The following TMEM132D variants were observed in gnomAD, a reference collection of about 807,000 sequenced individuals.
TMEM132D encodes the protein mature OL transmembrane protein.
Under a neutral mutation model 62.3 loss-of-function variants are expected in TMEM132D, and 21 were observed. The observed-to-expected ratio is 0.34, with a 90% CI of 0.24 to 0.49. The LOEUF is 0.49. Among genes scored for constraint, TMEM132D ranks in the 20% least tolerant of loss-of-function variants. TMEM132D has a pLI of 0.99. For synonymous variants in TMEM132D, 621 were observed against 575.6 expected (o/e 1.08, Z -1.13); for missense variants, 1,346 against 1,402.8 (o/e 0.96, Z 0.65).
At chr12:129,104,155 C>T (rs1406098011) in intron 5 of TMEM132D, among the ~76,000 whole-genome samples, 7 of 150,444 alleles carry the variant, frequency 4.7e-5, no homozygotes, top group Non-Finnish European at 7.4e-5. Flanking sequence ...TACAAGGCTA[C>T]AGTAACCAAA....
chr12:129,351,463 G>A (rs900098986), intron 3 of TMEM132D, among the ~76,000 whole-genome samples: 2 of 152,118 alleles, frequency 1.3e-5, no homozygotes, highest in African/African-American at 2.4e-5. Context: ...GATTAGGCAG[G>A]TAGGCTTACA....
chr12:129,841,024 G>C (rs974540857), intron 1 of TMEM132D, among the ~76,000 whole-genome samples: 2 of 152,194 alleles, frequency 1.3e-5, no homozygotes, highest in African/African-American at 4.8e-5. Context: ...GCAGAGTATA[G>C]ATTAAGTGTA....
At position 129,742,515 on chromosome 12, in the gene TMEM132D, G is replaced by A. The variant is rs564037720; in HGVS notation, c.80-41817C>T. Among the ~76,000 whole-genome samples, 6 of 152,276 alleles carry A rather than the reference G, an allele frequency of 3.9e-5. No individual in the cohort carries two copies. In the South Asian group the frequency reaches 1.0e-3, roughly 26 times the overall value. On this transcript the variant is annotated intron_variant, in intron 1 of 8. Coordinates refer to ENST00000422113, the MANE Select transcript of TMEM132D (RefSeq NM_133448.3). ...CCATCAGATCCCACCTCCCACATTG[G>A]AGGTCACATTTCAACATGAGATTAA... is the stretch of plus-strand genomic sequence containing the variant.
chr12:129,511,284 G>A (rs1875489780), intron 3 of TMEM132D, among the ~76,000 whole-genome samples: 1 of 152,126 alleles, frequency 6.6e-6, no homozygotes, highest in South Asian at 2.1e-4. Flanking sequence ...GAACAGTACA[G>A]TACATTATCA....
At chr12:129,658,756 T>G (rs929189630) in intron 2 of TMEM132D, among the ~76,000 whole-genome samples, 11 of 152,192 alleles carry the variant, frequency 7.2e-5, no homozygotes, top group African/African-American at 2.7e-4. Context: ...CAACTATTAA[T>G]TCAGAATGTA....
intron 4 of TMEM132D, among the ~76,000 whole-genome samples, chr12:129,214,076 G>A (rs1879134829): frequency 6.6e-6 from 1 of 152,190 alleles, no homozygotes; most frequent in South Asian, 2.1e-4. Context: ...CACTGCATGT[G>A]CAGACAAAAC....
chr12:129,425,224 T>C (rs1872458638), intron 3 of TMEM132D, among the ~76,000 whole-genome samples: 1 of 152,124 alleles, frequency 6.6e-6, no homozygotes, highest in African/African-American at 2.4e-5. Context: ...CATGCGCAGG[T>C]TTTTAGGTAG....
chr12:129,366,968 C>T (rs552662293), intron 3 of TMEM132D, among the ~76,000 whole-genome samples: 7 of 152,240 alleles, frequency 4.6e-5, no homozygotes, highest in East Asian at 1.9e-4. Flanking sequence ...GCTGCAGTCC[C>T]GGAGGAAGCA....
intron 2 of TMEM132D, among the ~76,000 whole-genome samples, chr12:129,588,724 G>A (rs576050271): frequency 7.1e-6 from 1 of 141,308 alleles, no homozygotes; most frequent in Non-Finnish European, 1.5e-5. Context: ...ACAGGCACCT[G>A]CCACCACGCC....
At chr12:129,750,959 A>C (rs1299802018) in intron 1 of TMEM132D, among the ~76,000 whole-genome samples, 1 of 152,246 alleles carries the variant, frequency 6.6e-6, no homozygotes, top group Non-Finnish European at 1.5e-5. Context: ...TGTGTCAATC[A>C]TACTTTAACA....
At chr12:129,522,890 T>C (rs528610593) in intron 3 of TMEM132D, 2 of 152,126 alleles carry the variant, frequency 1.3e-5, no homozygotes, top group East Asian at 3.9e-4. Context: ...ATTAGATATA[T>C]ATGTAGACAC....
chr12:129,233,767 C>G (rs1879709263), intron 4 of TMEM132D, among the ~76,000 whole-genome samples: 1 of 152,086 alleles, frequency 6.6e-6, no homozygotes, highest in Non-Finnish European at 1.5e-5. Flanking sequence ...GCTGGGACTA[C>G]AGGCACCTGC....
Position 129,667,884 on chromosome 12 carries a change from T to C in TMEM132D, c.968+31926A>G, listed in dbSNP as rs1261296843. Among the ~76,000 whole-genome samples the C allele has an allele frequency of 2.0e-5, 3 of 151,972 alleles. 1 individual carries two copies. The highest frequency in any genetic ancestry group is 2.0e-4 in the Admixed American group (3 of 15,262). On this transcript the variant is annotated intron_variant, in intron 2 of 8. Coordinates refer to ENST00000422113, the MANE Select transcript of TMEM132D (RefSeq NM_133448.3). The stretch of plus-strand genomic sequence containing the variant: ...CTTAGTCTATGTTATCAGTAATAAT[T>C]ATAATTATTATGTTAACAGACTGTG...
rs115405922 is a variant in TMEM132D, at chr12:129,435,050, C to T, written c.1115+96009G>A. ...TCAGCTTATTTAGATTCCACACAGG[C>T]GTGCGAATGTACCGTATTTGTCCTT... On this transcript the variant is annotated intron_variant, in intron 3 of 8. Transcript: ENST00000422113. Among the ~76,000 whole-genome samples, 637 of 152,242 alleles carry T rather than the reference C, an allele frequency of 4.2e-3. 10 individuals are homozygous for T. The highest frequency in any genetic ancestry group is 0.015 in the African/African-American group (603 of 41,528).
At chr12:129,098,719 C>T (rs1875193721) in intron 5 of TMEM132D, among the ~76,000 whole-genome samples, 1 of 152,212 alleles carries the variant, frequency 6.6e-6, no homozygotes, top group Non-Finnish European at 1.5e-5. Flanking sequence ...GACCTTATTA[C>T]ATCTCCACTG....
intron 5 of TMEM132D, among the ~76,000 whole-genome samples, chr12:129,094,776 C>A (rs1455847110): frequency 3.3e-5 from 5 of 152,096 alleles, no homozygotes; most frequent in Admixed American, 2.6e-4. Context: ...AGACTTGGAA[C>A]CAAGCCAAAT....
At chr12:129,176,745 G>T (rs1352179) in intron 5 of TMEM132D, among the ~76,000 whole-genome samples, 38,569 of 152,282 alleles carry the variant, frequency 0.25, 6,129 homozygotes, top group East Asian at 0.51. Flanking sequence ...GCCAACGAGA[G>T]CAGGCTGGGC....
Position 129,125,499 on chromosome 12 carries a change from A to ATTTTTTTTTT in TMEM132D, c.1444-40798_1444-40797insAAAAAAAAAA, listed in dbSNP as rs1565972138. Among the ~76,000 whole-genome samples, 2 of 127,834 alleles carry ATTTTTTTTTT rather than the reference A, an allele frequency of 1.6e-5. 1 individual carries two copies. Among genetic ancestry groups the ATTTTTTTTTT allele is most frequent in the Non-Finnish European group, 3.2e-5 (2 of 61,894 alleles). The allele number at this position is 127,834 out of a possible 152,430, so 83.9% of individuals were successfully genotyped here. On this transcript the variant is annotated intron_variant, in intron 5 of 8. Transcript: ENST00000422113. ...GATGTGACGATGTCGAATTACTATG[A>ATTTTTTTTTT]GTTTTTTTTTTTTTTTTTTTTTTGA...
intron 5 of TMEM132D, among the ~76,000 whole-genome samples, chr12:129,087,407 C>T (rs1371351711): frequency 2.0e-5 from 3 of 151,036 alleles, no homozygotes; most frequent in African/African-American, 7.3e-5. Context: ...CAAATCTTGG[C>T]TGTTATCAGT....
Sources: gnomAD v4.1 joint callset for allele counts (sites outside exome capture counted in the v4.1 genomes callset) on GRCh38, gnomAD v4.1.1 for gene constraint, MANE v1.5 for transcripts, NCBI Gene and HGNC (gene_info 2026-07-23, HGNC 2026-07-21) for gene names.